FSCN2: variants seen among roughly 807,000 people sequenced by gnomAD.
The protein encoded by FSCN2 is fascin actin-bundling protein 2, retinal, also known as fascin-2.
FSCN2 carries 46 observed loss-of-function variants against 37.8 expected under a neutral mutation model. That is an observed-to-expected ratio of 1.22 (90% CI 0.96 to 1.56). The LOEUF (loss-of-function observed/expected upper bound fraction) is 1.56. FSCN2 is among the 40% of genes most tolerant of loss of function. The pLI, the probability that FSCN2 is intolerant of heterozygous loss-of-function variation, is 0.00. For synonymous variants in FSCN2, 351 were observed against 309.4 expected, an observed-to-expected ratio of 1.13 and a Z score of -1.41; for missense variants, 844 against 730.4, an observed-to-expected ratio of 1.16 and a Z score of -1.79.
the FSCN2 span, among the ~76,000 whole-genome samples, chr17:81,521,066 A>C: frequency 6.6e-6 from 1 of 151,254 alleles, no homozygotes; most frequent in African/African-American, 2.4e-5. Flanking sequence ...TTGGTTTTGA[A>C]ATTTTTTTTT....
chr17:81,535,360 CCATCTCCATCACCAT>C (rs1283334654), intron 2 of FSCN2, among the ~76,000 whole-genome samples, 152 bp downstream of exon 2: 10 of 132,534 alleles, frequency 7.5e-5, no homozygotes, highest in Admixed American at 2.2e-4. Flanking sequence ...CCCATCTCCA[CCATCTCCATCACCAT>C]CATCGCCATC....
At chr17:81,530,738 G>A (rs2032523385) in intron 1 of FSCN2, 1 of 389,766 alleles carries the variant, frequency 2.6e-6, no homozygotes, top group South Asian at 1.9e-5. Context: ...TGCATGGAGA[G>A]GGGAGCCCAG....
chr17:81,528,844 G>C lies in FSCN2; in HGVS notation c.313G>C (p.Glu105Gln). The C allele has an allele frequency of 6.4e-7, 1 of 1,555,102 alleles. No individual in the cohort carries two copies. Among genetic ancestry groups the C allele is most frequent in the East Asian group, 2.4e-5 (1 of 41,512 alleles). The change falls in exon 1 of 5, where the codon GAG (glutamate) becomes CAG (glutamine). Residue 105 changes from glutamate (E) to glutamine (Q), a missense_variant. Coordinates refer to ENST00000417245, the MANE Select transcript of FSCN2 (RefSeq NM_012418.4). ...QPDGRWVLRS[E>Q]PHGRFFGGTE... ...AGATGGGCGCTGGGTGCTGCGGTCCGAGCCGCACGGCCGCTTCTTCGGAGG... is the reference window on the plus strand; with the variant it reads ...AGATGGGCGCTGGGTGCTGCGGTCCCAGCCGCACGGCCGCTTCTTCGGAGG...
chr17:81,528,911 C>T lies in FSCN2; in HGVS notation c.380C>T (p.Pro127Leu), dbSNP rs377179386. ...TCCTGCTTCGCCACAGCCGTTTCCC[C>T]GGCCGAGCTGTGGACCGTGCACCTG... ...QLSCFATAVS[P>L]AELWTVHLAI... The change falls in exon 1 of 5, where the codon CCG becomes CTG. Residue 127 changes from proline (P) to leucine (L), a missense_variant. Transcript: ENST00000417245. The T allele has an allele frequency of 3.0e-4, 477 of 1,588,482 alleles. 2 individuals are homozygous for T. The highest frequency in any genetic ancestry group is 3.7e-4 in the Non-Finnish European group (428 of 1,171,136).
At chr17:81,526,901 A>G (rs1228493983), upstream of FSCN2, among the ~76,000 whole-genome samples, 8 of 152,218 alleles carry the variant, frequency 5.3e-5, no homozygotes, top group Admixed American at 3.9e-4. Context: ...GGATGAGGCC[A>G]GCACACAGGG....
At chr17:81,531,516 ATGG>A (rs1483667062) in intron 1 of FSCN2, among the ~76,000 whole-genome samples, 27 of 97,036 alleles carry the variant, frequency 2.8e-4, no homozygotes, top group East Asian at 7.5e-4. Flanking sequence ...GGTGATGGTG[ATGG>A]TGGTGATGGC....
At chr17:81,522,650 T>C in the FSCN2 span, among the ~76,000 whole-genome samples, 1 of 152,252 alleles carries the variant, frequency 6.6e-6, no homozygotes, top group Admixed American at 6.5e-5. Context: ...GCAGGGCGTA[T>C]GTACACCTGT....
At chr17:81,524,593 G>A (rs1555669830), upstream of FSCN2, among the ~76,000 whole-genome samples, 1 of 152,212 alleles carries the variant, frequency 6.6e-6, no homozygotes, top group East Asian at 1.9e-4. Context: ...TGGCACCTCC[G>A]GAGGTGTGGC....
chr17:81,536,213 C>T lies in FSCN2; in HGVS notation c.1051C>T (p.Arg351Cys), dbSNP rs371223700. The T allele has an allele frequency of 5.9e-5, 94 of 1,600,636 alleles. 1 individual carries two copies. Among genetic ancestry groups the T allele is most frequent in the Admixed American group, 1.0e-4 (6 of 58,246 alleles). Residue 351 changes from arginine to cysteine, a missense_variant, in exon 3 of 5, where the codon CGC becomes TGC. By Grantham distance (180) the Arg-to-Cys change is radical (BLOSUM62 -3). Coordinates refer to ENST00000417245, the MANE Select transcript of FSCN2 (RefSeq NM_012418.4). ...RRVALKASNGRYVCMKKNGQL... is the reference protein window; with the variant it reads ...RRVALKASNGCYVCMKKNGQL... ...GGTAGCACTCAAAGCCAGCAACGGG[C>T]GCTACGTGTGCATGAAGAAGAATGG...
At chr17:81,518,181 C>T in the FSCN2 span, among the ~76,000 whole-genome samples, 1 of 152,186 alleles carries the variant, frequency 6.6e-6, no homozygotes, top group African/African-American at 2.4e-5. Context: ...CTGGCTGTTC[C>T]TTTGCCCCCA....
At chr17:81,534,459 G>C (rs2143892199) in intron 1 of FSCN2, among the ~76,000 whole-genome samples, 1 of 152,244 alleles carries the variant, frequency 6.6e-6, no homozygotes, top group Non-Finnish European at 1.5e-5. Context: ...AGGCTCTGGT[G>C]CCTGCTGTCC....
the FSCN2 span, among the ~76,000 whole-genome samples, chr17:81,519,472 C>T: frequency 6.6e-6 from 1 of 152,126 alleles, no homozygotes; most frequent in Non-Finnish European, 1.5e-5. Context: ...GAGTGGGTCC[C>T]GCGAGAAGGC....
the FSCN2 span, among the ~76,000 whole-genome samples, chr17:81,518,519 C>T: frequency 6.6e-6 from 1 of 152,126 alleles, no homozygotes; most frequent in African/African-American, 2.4e-5. Flanking sequence ...GCAGCTGCCT[C>T]CTATCTCAAA....
At chr17:81,533,017 C>T (rs564486415) in intron 1 of FSCN2, among the ~76,000 whole-genome samples, 1 of 152,260 alleles carries the variant, frequency 6.6e-6, no homozygotes, top group Non-Finnish European at 1.5e-5. Context: ...GCGGCCAGGG[C>T]TGTAGGGAGC....
chr17:81,518,555 G>A, the FSCN2 span, among the ~76,000 whole-genome samples: 2 of 152,178 alleles, frequency 1.3e-5, no homozygotes, highest in African/African-American at 4.8e-5. Flanking sequence ...ATAACTCTAG[G>A]GCTGGGAGGG....
intron 1 of FSCN2, among the ~76,000 whole-genome samples, chr17:81,531,501 A>ATGATGATGATAGTGATGGTGG (rs2032596993): frequency 1.4e-5 from 1 of 73,766 alleles, no homozygotes; most frequent in African/African-American, 5.2e-5. Flanking sequence ...GGTGATGGTG[A>ATGATGATGATAGTGATGGTGG]TGGTGGTGAT....
the FSCN2 span, among the ~76,000 whole-genome samples, chr17:81,519,996 A>C: frequency 6.6e-6 from 1 of 152,194 alleles, no homozygotes; most frequent in South Asian, 2.1e-4. Flanking sequence ...AGGTGGCTCC[A>C]GGGCTGGAGG....
At position 81,528,619 on chromosome 17, in the gene FSCN2, G is replaced by C. The variant is rs781809699; in HGVS notation, c.88G>C (p.Gly30Arg). Residue 30 changes from glycine (G) to arginine (R), a missense_variant, in exon 1 of 5, where the codon GGC becomes CGC. By Grantham distance (125) the Gly-to-Arg change is moderately radical (BLOSUM62 -2). Transcript: ENST00000417245. ...CCGCTACCTGACAGCTGAGAGCTTCGGCTTCAAGGTCAATGCCTCGGCACC... is the reference window on the plus strand; with the variant it reads ...CCGCTACCTGACAGCTGAGAGCTTCCGCTTCAAGGTCAATGCCTCGGCACC... ...TDRYLTAESF[G>R]FKVNASAPSL... 5.6e-6 allele frequency: 9 copies of C among 1,606,900 alleles called. 1 individual carries two copies. The Admixed American group carries it at 1.5e-4, about 27-fold the overall frequency.
intron 1 of FSCN2, 87 bp from the exon 2 acceptor site, chr17:81,534,965 G>A: frequency 1.0e-6 from 1 of 962,692 alleles, no homozygotes; most frequent in Middle Eastern, 2.3e-4. Flanking sequence ...CCCACCTCTG[G>A]CTTCAGGGGT....
Sources: gnomAD v4.1 joint callset for allele counts (sites outside exome capture counted in the v4.1 genomes callset) on GRCh38, gnomAD v4.1.1 for gene constraint, MANE v1.5 for transcripts, NCBI Gene and HGNC (gene_info 2026-07-23, HGNC 2026-07-21) for gene names.